LURAP1L: variants seen among roughly 807,000 people sequenced by gnomAD.
The protein encoded by LURAP1L is leucine rich adaptor protein 1-like.
Under a neutral mutation model 13.8 loss-of-function variants are expected in LURAP1L, and 12 were observed. The ratio of observed to expected loss-of-function variants is 0.87; its 90% CI spans 0.56 to 1.41. LURAP1L has a LOEUF of 1.41. Among genes scored for constraint, LURAP1L ranks in the 40% most tolerant of loss-of-function variants. The pLI, the probability that LURAP1L is intolerant of heterozygous loss-of-function variation, is 0.00. For synonymous variants in LURAP1L, 139 were observed against 119.2 expected (o/e 1.17, Z -1.08); for missense variants, 375 against 292.9 (o/e 1.28, Z -2.04).
intron 1 of LURAP1L, among the ~76,000 whole-genome samples, chr9:12,812,518 T>G (rs1419650446): frequency 2.0e-5 from 3 of 152,156 alleles, no homozygotes; most frequent in Non-Finnish European, 4.4e-5. Context: ...TACAAAAAAT[T>G]TTACAAAGTA....
In LURAP1L at chr9:12,788,189, A is replaced by AAGAAAGAAAGAAAGAAAGAAAG. The variant is rs1554657447; in HGVS notation, c.312+12167_312+12168insGAAAGAAAGAAAGAAAGAGAAA. Among the ~76,000 whole-genome samples, 4 of 140,948 alleles carry AAGAAAGAAAGAAAGAAAGAAAG rather than the reference A, an allele frequency of 2.8e-5. No homozygotes were observed. In the East Asian group the frequency reaches 1.2e-3, roughly 43 times the overall value. The allele number at this position is 140,948 out of a possible 152,430, so 92.5% of individuals were successfully genotyped here. A position where few individuals can be genotyped will look rare whatever the true frequency, so the allele number is the denominator to read the frequency against. ...AAAGAAAGAAAGAAAGAAAGAAAGA[A>AAGAAAGAAAGAAAGAAAGAAAG]AGAAAAGAAAAGAAAAGAAAAGCTC... On this transcript the variant is annotated intron_variant, in intron 1 of 1. Transcript: ENST00000319264.
At chr9:12,819,301 G>T (rs1563900337) in intron 1 of LURAP1L, among the ~76,000 whole-genome samples, 1 of 152,102 alleles carries the variant, frequency 6.6e-6, no homozygotes, top group Non-Finnish European at 1.5e-5. Context: ...TGTACTTTAT[G>T]TTTTTTGTAT....
chr9:12,811,692 T>A (rs1460809980), intron 1 of LURAP1L, among the ~76,000 whole-genome samples: 1 of 152,256 alleles, frequency 6.6e-6, no homozygotes, highest in African/African-American at 2.4e-5. Context: ...AGGACCTTGC[T>A]AAAGTGTGGT....
chr9:12,817,371 T>A (rs866480449), intron 1 of LURAP1L, among the ~76,000 whole-genome samples: 1 of 152,206 alleles, frequency 6.6e-6, no homozygotes, highest in Admixed American at 6.5e-5. Context: ...GGTTTTGGCA[T>A]AGAGTGGTGA....
At chr9:12,785,842 G>T (rs1030926154) in intron 1 of LURAP1L, among the ~76,000 whole-genome samples, 1 of 152,160 alleles carries the variant, frequency 6.6e-6, no homozygotes, top group Admixed American at 6.5e-5. Context: ...TTGTTCACCT[G>T]ATACTTGGTT....
rs376591369 is a variant in LURAP1L at position 12,821,382 on chromosome 9, A to G, written c.313-4A>G. Reference sequence around the variant, plus strand: ...GAATATCTTTCTTCTCTCTTTGTCCATAGGTTAACCTCAGAGCCACAGACG... The same window carrying G: ...GAATATCTTTCTTCTCTCTTTGTCCGTAGGTTAACCTCAGAGCCACAGACG... On this transcript the variant is annotated splice_polypyrimidine_tract_variant and splice_region_variant and intron_variant, in intron 1 of 1. Transcript: ENST00000319264. 129 of 1,609,904 alleles carry G rather than the reference A, an allele frequency of 8.0e-5. No individual in the cohort carries two copies. The highest frequency in any genetic ancestry group is 5.1e-4 in the African/African-American group (38 of 74,872).
intron 1 of LURAP1L, among the ~76,000 whole-genome samples, chr9:12,817,612 T>C (rs1819820958): frequency 6.6e-6 from 1 of 152,156 alleles, no homozygotes; most frequent in Non-Finnish European, 1.5e-5. Flanking sequence ...CTTTAGGAGA[T>C]CTCAACTCTC....
At chr9:12,803,141 A>G (rs1261777712) in intron 1 of LURAP1L, among the ~76,000 whole-genome samples, 1 of 152,230 alleles carries the variant, frequency 6.6e-6, no homozygotes, top group East Asian at 1.9e-4. Flanking sequence ...TGGGTAGGAT[A>G]GAACCACTGC....
At position 12,775,870 on chromosome 9, in the gene LURAP1L, G is replaced by GCGGCGGCGC. The variant is rs1262747319; in HGVS notation, c.163_164insCCGGCGGCG (p.Gly54_Gly55insAlaGlyGly). On this transcript the variant is annotated inframe_insertion, in exon 1 of 2. Transcript: ENST00000319264. Reference sequence around the variant, plus strand: ...GGGGGGAGCGGTGGTGGTGGCGGCGGCGGCGGCGGCTGCAGTAGCAGCAGC... The same window carrying GCGGCGGCGC: ...GGGGGGAGCGGTGGTGGTGGCGGCGGCGGCGGCGCCGGCGGCGGCTGCAGTAGCAGCAGC... 6.3e-7 allele frequency: 1 copy of GCGGCGGCGC among 1,579,690 alleles called. No homozygotes were observed. The highest frequency in any genetic ancestry group is 8.6e-7 in the Non-Finnish European group (1 of 1,163,070).
At chr9:12,813,810 T>A (rs1464703411) in intron 1 of LURAP1L, among the ~76,000 whole-genome samples, 2 of 152,096 alleles carry the variant, frequency 1.3e-5, no homozygotes, top group African/African-American at 4.8e-5. Flanking sequence ...AAGTGAAAAA[T>A]AATTTAACAG....
chr9:12,788,895 CTATA>C (rs34773230), intron 1 of LURAP1L, among the ~76,000 whole-genome samples: 1 of 147,534 alleles, frequency 6.8e-6, no homozygotes. Flanking sequence ...GACCCTATAT[CTATA>C]TATATATATA....
chr9:12,818,864 T>C (rs565257157), intron 1 of LURAP1L, among the ~76,000 whole-genome samples: 6 of 152,298 alleles, frequency 3.9e-5, no homozygotes, highest in African/African-American at 1.4e-4. Flanking sequence ...CCATGGCTTA[T>C]AAGGGGCCAG....
intron 1 of LURAP1L, among the ~76,000 whole-genome samples, chr9:12,818,075 G>A (rs1819827149): frequency 6.7e-6 from 1 of 148,908 alleles, no homozygotes; most frequent in Non-Finnish European, 1.5e-5. Flanking sequence ...TGACTTGCTT[G>A]TGTCGTTTTT....
chr9:12,797,079 G>A (rs1350467203), intron 1 of LURAP1L, among the ~76,000 whole-genome samples: 1 of 151,868 alleles, frequency 6.6e-6, no homozygotes, highest in Admixed American at 6.6e-5. Context: ...ATTTCTGCAT[G>A]GGATTACCAA....
intron 1 of LURAP1L, among the ~76,000 whole-genome samples, chr9:12,801,202 G>A (rs537144852): frequency 2.0e-5 from 3 of 151,968 alleles, no homozygotes; most frequent in Non-Finnish European, 4.4e-5. Flanking sequence ...AATTTCACAT[G>A]GCACCATTCA....
At chr9:12,786,479 GTT>G (rs1200366831) in intron 1 of LURAP1L, among the ~76,000 whole-genome samples, 2 of 140,448 alleles carry the variant, frequency 1.4e-5, no homozygotes, top group East Asian at 4.3e-4. Context: ...TTCAGTGATT[GTT>G]TTTCTGAGAA....
chr9:12,781,219 C>T (rs1006242404), intron 1 of LURAP1L, among the ~76,000 whole-genome samples: 23 of 152,156 alleles, frequency 1.5e-4, no homozygotes, highest in African/African-American at 5.6e-4. Flanking sequence ...GATCTGCCTG[C>T]CTCGGCCTCC....
At chr9:12,802,882 A>G (rs1819606211) in intron 1 of LURAP1L, among the ~76,000 whole-genome samples, 1 of 152,170 alleles carries the variant, frequency 6.6e-6, no homozygotes, top group Non-Finnish European at 1.5e-5. Context: ...GCACAAAATG[A>G]ACATTTTCAT....
At chr9:12,788,183 G>GAAAGAA (rs1295831507) in intron 1 of LURAP1L, among the ~76,000 whole-genome samples, 60 of 147,060 alleles carry the variant, frequency 4.1e-4, no homozygotes, top group African/African-American at 1.5e-3. Context: ...AAGAAAGAAA[G>GAAAGAA]AAAGAAAGAA....
Sources: allele counts gnomAD v4.1 joint callset (sites outside exome capture counted in the v4.1 genomes callset), GRCh38; gene constraint gnomAD v4.1.1; transcripts MANE v1.5; gene names NCBI Gene and HGNC (gene_info 2026-07-23, HGNC 2026-07-21).